Variants in SYNPO2 observed in about 807,000 individuals in gnomAD.
SYNPO2 encodes synaptopodin 2, also known as synaptopodin-2.
In SYNPO2, 56 loss-of-function variants were observed where a neutral mutation model predicts 85.0. The ratio of observed to expected loss-of-function variants is 0.66; its 90% CI spans 0.53 to 0.82. The LOEUF is 0.82. Ranked by LOEUF, SYNPO2 falls within the 40% of genes least tolerant of loss-of-function variation. The pLI is 0.00. For synonymous variants in SYNPO2, 602 were observed against 591.1 expected (o/e 1.02, Z -0.27); for missense variants, 1,575 against 1,534.2 (o/e 1.03, Z -0.44).
At chr4:118,893,289 A>G (rs1732435309) in intron 1 of SYNPO2, among the ~76,000 whole-genome samples, 1 of 152,236 alleles carries the variant, frequency 6.6e-6, no homozygotes, top group African/African-American at 2.4e-5. Context: ...AAAGATGACA[A>G]TGAGATAAAA....
At chr4:118,905,927 A>G (rs1164756779) in intron 1 of SYNPO2, among the ~76,000 whole-genome samples, 1 of 152,186 alleles carries the variant, frequency 6.6e-6, no homozygotes, top group Non-Finnish European at 1.5e-5. Flanking sequence ...CTTGTTCCTC[A>G]CTGGTATTTC....
chr4:119,056,086 G>T (rs1739196206), intron 4 of SYNPO2, among the ~76,000 whole-genome samples: 1 of 152,166 alleles, frequency 6.6e-6, no homozygotes, highest in African/African-American at 2.4e-5. Context: ...TTTCAAAGTT[G>T]ATACTCCTGT....
intron 2 of SYNPO2, among the ~76,000 whole-genome samples, chr4:119,026,406 G>A (rs1271367816): frequency 6.6e-6 from 1 of 152,178 alleles, no homozygotes; most frequent in African/African-American, 2.4e-5. Flanking sequence ...ATAATCTTGT[G>A]TAAGAGTTTC....
At chr4:118,874,404 A>G (rs1414289335) in intron 1 of SYNPO2, among the ~76,000 whole-genome samples, 1 of 152,200 alleles carries the variant, frequency 6.6e-6, no homozygotes, top group Non-Finnish European at 1.5e-5. Context: ...TATGGAAAAA[A>G]TTACACAAAT....
intron 4 of SYNPO2, chr4:119,037,349 T>C (rs1738558365): frequency 8.0e-7 from 1 of 1,250,698 alleles, no homozygotes; most frequent in Non-Finnish European, 1.0e-6. Context: ...TGAAAAAATT[T>C]CAAAAATCAA....
intron 1 of SYNPO2, among the ~76,000 whole-genome samples, chr4:118,989,621 G>A (rs1046619248): frequency 6.6e-6 from 1 of 152,208 alleles, no homozygotes; most frequent in Non-Finnish European, 1.5e-5. Flanking sequence ...TGTGTTCTGA[G>A]TAATAAAGGA....
At position 119,026,998 on chromosome 4, in the gene SYNPO2, G is replaced by GCGCTAGTGGCC. The variant is rs778207528; in HGVS notation, c.631_641dup (p.Pro219Ter). Reference sequence around the variant, plus strand: ...TCCCTTTCACAGGAGAGACATAAGGGCGCTAGTGGCCCTTTAGTGGCTCTC... The same window carrying GCGCTAGTGGCC: ...TCCCTTTCACAGGAGAGACATAAGGGCGCTAGTGGCCCGCTAGTGGCCCTTTAGTGGCTCTC... On this transcript the variant is annotated frameshift_variant, in exon 3 of 5. Transcript: ENST00000307142. LOFTEE classifies it high-confidence loss of function. 3.7e-6 allele frequency: 6 copies of GCGCTAGTGGCC among 1,614,022 alleles called. No homozygotes were observed. The Admixed American group carries it at 8.3e-5, about 22-fold the overall frequency.
chr4:118,871,571 A>ATTTT (rs67838256), intron 1 of SYNPO2, among the ~76,000 whole-genome samples: 22 of 142,508 alleles, frequency 1.5e-4, no homozygotes, highest in African/African-American at 3.7e-4. Flanking sequence ...ATAAATAACA[A>ATTTT]TTTTTTTTTT....
rs1737978251 is a variant in SYNPO2 at position 119,026,913 on chromosome 4, C to T, written c.544C>T (p.Leu182=). 5.0e-6 allele frequency: 8 copies of T among 1,614,166 alleles called. No homozygotes were observed. The highest frequency in any genetic ancestry group is 4.5e-5 in the East Asian group (2 of 44,876). Residue 182 remains leucine, a synonymous_variant, in exon 3 of 5, where the codon CTG becomes TTG. Coordinates refer to ENST00000307142, the MANE Select transcript of SYNPO2 (RefSeq NM_133477.3). ...DSQRGRVAEE[L]ILREKVEAVQ... ...CCAAAGAGGACGCGTGGCAGAAGAG[C>T]TGATCTTAAGGGAGAAGGTAGAAGC... is the stretch of plus-strand genomic sequence containing the variant.
intron 1 of SYNPO2, among the ~76,000 whole-genome samples, chr4:118,922,439 G>A (rs965793585): frequency 6.6e-6 from 1 of 151,964 alleles, no homozygotes; most frequent in African/African-American, 2.4e-5. Flanking sequence ...TATTTGTGGT[G>A]CTCCTTACTT....
chr4:118,914,811 G>T (rs1733256903), intron 1 of SYNPO2, among the ~76,000 whole-genome samples: 1 of 151,996 alleles, frequency 6.6e-6, no homozygotes, highest in African/African-American at 2.4e-5. Context: ...GCCCAGGAAA[G>T]TGTTTCTTAG....
At chr4:118,882,468 G>A (rs955073351) in intron 1 of SYNPO2, among the ~76,000 whole-genome samples, 4 of 152,086 alleles carry the variant, frequency 2.6e-5, no homozygotes, top group African/African-American at 9.7e-5. Flanking sequence ...CAAAACTATA[G>A]TCAATAGACA....
intron 1 of SYNPO2, among the ~76,000 whole-genome samples, chr4:118,858,146 C>T (rs1411110815): frequency 6.6e-6 from 1 of 152,148 alleles, no homozygotes; most frequent in Non-Finnish European, 1.5e-5. Context: ...GTGACACTGC[C>T]TGGCCCTAGA....
intron 1 of SYNPO2, among the ~76,000 whole-genome samples, chr4:118,931,686 C>T (rs903337994): frequency 2.0e-5 from 3 of 152,166 alleles, no homozygotes; most frequent in African/African-American, 7.2e-5. Flanking sequence ...CCCAGATTCT[C>T]AGAAACCAGC....
At chr4:118,998,701 C>T (rs1437396051) in intron 1 of SYNPO2, among the ~76,000 whole-genome samples, 1 of 152,190 alleles carries the variant, frequency 6.6e-6, no homozygotes, top group African/African-American at 2.4e-5. Context: ...TTCTCTGGAT[C>T]TCAGTTGTTC....
At chr4:118,959,421 A>G (rs1172950872) in intron 1 of SYNPO2, among the ~76,000 whole-genome samples, 1 of 152,258 alleles carries the variant, frequency 6.6e-6, no homozygotes, top group Non-Finnish European at 1.5e-5. Context: ...AAAATAAAAA[A>G]GGGCTTTTCT....
At chr4:119,004,676 G>T (rs1371888687) in intron 1 of SYNPO2, among the ~76,000 whole-genome samples, 1 of 143,048 alleles carries the variant, frequency 7.0e-6, no homozygotes, top group South Asian at 2.5e-4. Flanking sequence ...GAATAGTGCC[G>T]CAATAAACAT....
At chr4:118,907,228 A>T (rs2149122091) in intron 1 of SYNPO2, among the ~76,000 whole-genome samples, 1 of 152,328 alleles carries the variant, frequency 6.6e-6, no homozygotes, top group African/African-American at 2.4e-5. Flanking sequence ...AACGTCATTA[A>T]CAGTGCATGG....
chr4:119,052,690 G>C (rs1739091956), intron 4 of SYNPO2, among the ~76,000 whole-genome samples: 1 of 152,190 alleles, frequency 6.6e-6, no homozygotes, highest in South Asian at 2.1e-4. Flanking sequence ...AGCTGGGGAA[G>C]GAGAGGAGAT....
Sources: allele counts gnomAD v4.1 joint callset (sites outside exome capture counted in the v4.1 genomes callset), GRCh38; gene constraint gnomAD v4.1.1; transcripts MANE v1.5; gene names NCBI Gene and HGNC (gene_info 2026-07-23, HGNC 2026-07-21).